CALN1: variants seen among roughly 807,000 people sequenced by gnomAD.
CALN1 encodes calcium-binding protein 8.
Under a neutral mutation model 30.6 loss-of-function variants are expected in CALN1, and 17 were observed. That is an observed-to-expected ratio of 0.56 (90% confidence interval 0.38 to 0.83). The LOEUF (loss-of-function observed/expected upper bound fraction) is 0.83, where lower values mean the gene tolerates loss of function less well. Among genes scored for constraint, CALN1 ranks in the 40% least tolerant of loss-of-function variants. The pLI, the probability that CALN1 is intolerant of heterozygous loss-of-function variation, is 0.00. For synonymous variants in CALN1, 156 were observed against 131.4 expected (o/e 1.19, Z -1.28); for missense variants, 291 against 354.9 (o/e 0.82, Z 1.45).
chr7:72,337,437 CACA>C, intron 2 of CALN1: 1 of 220,750 alleles, frequency 4.5e-6, no homozygotes, highest in Non-Finnish European at 7.7e-6. Context: ...CACACACACA[CACA>C]CGCATGCACA....
intron 1 of CALN1, among the ~76,000 whole-genome samples, chr7:72,443,186 T>C (rs991858794): frequency 6.6e-6 from 1 of 152,242 alleles, no homozygotes; most frequent in African/African-American, 2.4e-5. Context: ...TGACGTGCTA[T>C]GTACAATTTA....
chr7:72,205,468 G>T (rs1380903902), intron 3 of CALN1, among the ~76,000 whole-genome samples: 2 of 147,976 alleles, frequency 1.4e-5, no homozygotes, highest in African/African-American at 5.0e-5. Flanking sequence ...CTTTCAAACT[G>T]CTGGGATTAC....
chr7:71,818,232 A>C (rs947307315), intron 5 of CALN1, among the ~76,000 whole-genome samples: 3 of 152,100 alleles, frequency 2.0e-5, no homozygotes, highest in African/African-American at 7.2e-5. Flanking sequence ...GAACATGCCT[A>C]CTATCAAAGA....
At chr7:72,383,072 C>CACCCT (rs1805006713) in intron 2 of CALN1, among the ~76,000 whole-genome samples, 1 of 152,212 alleles carries the variant, frequency 6.6e-6, no homozygotes, top group African/African-American at 2.4e-5. Flanking sequence ...GGGCATGAGC[C>CACCCT]ACCCTGCCCA....
At chr7:71,796,649 C>T (rs571017757) in intron 6 of CALN1, among the ~76,000 whole-genome samples, 1 of 152,208 alleles carries the variant, frequency 6.6e-6, no homozygotes, top group Non-Finnish European at 1.5e-5. Flanking sequence ...TGAGCCACCG[C>T]GTCCAGCTTA....
At chr7:72,175,510 A>T (rs902614470) in intron 3 of CALN1, among the ~76,000 whole-genome samples, 4 of 152,188 alleles carry the variant, frequency 2.6e-5, no homozygotes, top group Non-Finnish European at 5.9e-5. Flanking sequence ...CAGCTTCTGG[A>T]CAACCTCACT....
In CALN1 at chr7:72,062,524, A is replaced by AAG. The variant is rs1554428106; in HGVS notation, c.389-38756_389-38755insCT. Among the ~76,000 whole-genome samples, 26 of 148,176 alleles carry AAG rather than the reference A, an allele frequency of 1.8e-4. 1 individual carries two copies. Among genetic ancestry groups the AAG allele is most frequent in the Admixed American group, 9.3e-4 (14 of 15,102 alleles). ...GAGACTCTATCTCAAAAAAAAAAAA[A>AAG]AAAAAAGAAAAAAAATAAATAAATA... On this transcript the variant is annotated intron_variant, in intron 4 of 6. Transcript: ENST00000395275.
the CALN1 span, among the ~76,000 whole-genome samples, chr7:72,499,906 TTTCTTTC>T: frequency 1.8e-5 from 1 of 54,562 alleles, no homozygotes; most frequent in East Asian, 4.8e-4. Flanking sequence ...TCTTTCTTTC[TTTCTTTC>T]TATCTTTCTC....
chr7:72,362,830 A>G (rs748483444), intron 2 of CALN1, among the ~76,000 whole-genome samples: 1 of 152,074 alleles, frequency 6.6e-6, no homozygotes, highest in Non-Finnish European at 1.5e-5. Flanking sequence ...GCCAGCATCC[A>G]TTTCCTGGTG....
At chr7:72,177,817 C>T (rs1232073338) in intron 3 of CALN1, among the ~76,000 whole-genome samples, 1 of 151,540 alleles carries the variant, frequency 6.6e-6, no homozygotes, top group African/African-American at 2.4e-5. Context: ...ATTCCACAGG[C>T]TCCAGGGACC....
rs372670926 is a variant in CALN1, at chr7:72,220,030, T to TA, written c.244+58655dup. ...ACCAAATTGGCAACAATTTTTTTTT[T>TA]ATAATTTTTTTTGTTTTATTATTAT... On this transcript the variant is annotated intron_variant, in intron 3 of 6. Transcript: ENST00000395275. Among the ~76,000 whole-genome samples, 17 of 151,914 alleles carry TA rather than the reference T, an allele frequency of 1.1e-4. No individual in the cohort carries two copies. In the East Asian group the frequency reaches 2.7e-3, roughly 24 times the overall value.
intron 5 of CALN1, among the ~76,000 whole-genome samples, chr7:71,971,236 G>A (rs1187699901): frequency 1.3e-5 from 2 of 152,112 alleles, no homozygotes; most frequent in African/African-American, 2.4e-5. Context: ...ATCACCTGAC[G>A]TCAGGAGTTC....
At chr7:72,101,805 A>G (rs1187683399) in intron 4 of CALN1, among the ~76,000 whole-genome samples, 2 of 152,110 alleles carry the variant, frequency 1.3e-5, no homozygotes, top group East Asian at 1.9e-4. Context: ...TTCTTGGTGT[A>G]TATCTAATGC....
intron 4 of CALN1, among the ~76,000 whole-genome samples, chr7:72,044,924 C>T (rs1019076832): frequency 2.0e-5 from 3 of 152,072 alleles, no homozygotes; most frequent in African/African-American, 7.2e-5. Context: ...CCAGCTACAG[C>T]CTAAAACTTC....
At chr7:72,273,621 C>T (rs983881613) in intron 3 of CALN1, among the ~76,000 whole-genome samples, 3 of 150,904 alleles carry the variant, frequency 2.0e-5, no homozygotes, top group East Asian at 1.9e-4. Flanking sequence ...TGGGCTCAGG[C>T]GATCCTCCCA....
At chr7:72,175,766 A>G (rs1270488981) in intron 3 of CALN1, among the ~76,000 whole-genome samples, 1 of 152,016 alleles carries the variant, frequency 6.6e-6, no homozygotes, top group Non-Finnish European at 1.5e-5. Flanking sequence ...TTTCAAGGAA[A>G]TTACTTCTCT....
intron 5 of CALN1, among the ~76,000 whole-genome samples, chr7:71,831,307 C>T (rs913366146): frequency 3.9e-5 from 6 of 151,956 alleles, no homozygotes; most frequent in South Asian, 2.1e-4. Context: ...GGTGAAACCC[C>T]GTCTCTACTA....
intron 2 of CALN1, among the ~76,000 whole-genome samples, chr7:72,293,394 C>A (rs988116236): frequency 3.9e-5 from 6 of 152,070 alleles, no homozygotes; most frequent in African/African-American, 1.4e-4. Flanking sequence ...AAAGCAAGAA[C>A]CACTAAAAAG....
chr7:72,372,580 A>G (rs181187556), intron 2 of CALN1, among the ~76,000 whole-genome samples: 2 of 152,312 alleles, frequency 1.3e-5, no homozygotes, highest in Admixed American at 1.3e-4. Flanking sequence ...TAATCAATCT[A>G]TAAACTTTGA....
Sources: allele counts gnomAD v4.1 joint callset (sites outside exome capture counted in the v4.1 genomes callset), GRCh38; gene constraint gnomAD v4.1.1; transcripts MANE v1.5; gene names NCBI Gene and HGNC (gene_info 2026-07-23, HGNC 2026-07-21).